The following MAPK4 variants were observed in gnomAD, a reference collection of about 807,000 sequenced individuals.
The protein encoded by MAPK4 is mitogen-activated protein kinase 4.
In MAPK4, 22 loss-of-function variants were observed where a neutral mutation model predicts 47.7. The ratio of observed to expected loss-of-function variants is 0.46; its 90% confidence interval spans 0.33 to 0.66. The LOEUF is 0.66. MAPK4 is among the 30% of genes least tolerant of loss of function. MAPK4 has a pLI of 0.02. For synonymous variants in MAPK4, 390 were observed against 365.7 expected, an observed-to-expected ratio of 1.07 and a Z score of -0.76; for missense variants, 736 against 831.7, an observed-to-expected ratio of 0.88 and a Z score of 1.42.
At chr18:50,677,763 C>T (rs900600000) in intron 2 of MAPK4, among the ~76,000 whole-genome samples, 2 of 152,128 alleles carry the variant, frequency 1.3e-5, no homozygotes, top group Admixed American at 6.6e-5. Flanking sequence ...CTATGTTGCT[C>T]AGGCTGGTCT....
At chr18:50,614,930 A>G (rs1037638921) in intron 1 of MAPK4, among the ~76,000 whole-genome samples, 2 of 152,180 alleles carry the variant, frequency 1.3e-5, no homozygotes, top group Non-Finnish European at 2.9e-5. Context: ...TGTTGAGTCA[A>G]TACTTAAGGG....
chr18:50,623,392 G>A (rs2042749192), intron 1 of MAPK4, among the ~76,000 whole-genome samples: 3 of 152,162 alleles, frequency 2.0e-5, no homozygotes, highest in Admixed American at 1.3e-4. Context: ...AAATCAGCTT[G>A]TCCCCACTTT....
intron 1 of MAPK4, among the ~76,000 whole-genome samples, chr18:50,612,567 C>T (rs2042648616): frequency 6.6e-6 from 1 of 152,172 alleles, no homozygotes; most frequent in East Asian, 1.9e-4. Flanking sequence ...CTGGAGGGCT[C>T]ATCATGGAAG....
chr18:50,607,174 T>C (rs2042589928), intron 1 of MAPK4, among the ~76,000 whole-genome samples: 1 of 152,052 alleles, frequency 6.6e-6, no homozygotes, highest in Admixed American at 6.5e-5. Flanking sequence ...ATGTGCCAAA[T>C]ACTAATGGGG....
chr18:50,691,370 G>A (rs577142093), intron 2 of MAPK4, among the ~76,000 whole-genome samples: 1 of 152,086 alleles, frequency 6.6e-6, no homozygotes, highest in East Asian at 2.0e-4. Flanking sequence ...TGGCCAGGAA[G>A]GCAAAGCATG....
chr18:50,691,057 A>C (rs1409372068), intron 2 of MAPK4, among the ~76,000 whole-genome samples: 1 of 151,990 alleles, frequency 6.6e-6, no homozygotes, highest in African/African-American at 2.4e-5. Context: ...CAGTGGCTCA[A>C]TCATGGCTCA....
intron 1 of MAPK4, among the ~76,000 whole-genome samples, chr18:50,619,987 C>T (rs1045155879): frequency 6.6e-6 from 1 of 152,244 alleles, no homozygotes; most frequent in African/African-American, 2.4e-5. Context: ...TTGGCTCCCC[C>T]AAGGAAATGC....
chr18:50,598,798 G>A (rs952449014), intron 1 of MAPK4, among the ~76,000 whole-genome samples: 4 of 152,142 alleles, frequency 2.6e-5, no homozygotes, highest in African/African-American at 9.7e-5. Context: ...TGGCAGTCTT[G>A]AGGAGTACTA....
intron 2 of MAPK4, among the ~76,000 whole-genome samples, chr18:50,688,806 G>C (rs1459636142): frequency 6.7e-6 from 1 of 149,642 alleles, no homozygotes; most frequent in Non-Finnish European, 1.5e-5. Flanking sequence ...TAGGTGATGG[G>C]TGCACCAAAA....
intron 1 of MAPK4, among the ~76,000 whole-genome samples, chr18:50,656,021 A>G (rs1423004167): frequency 6.6e-6 from 1 of 152,044 alleles, no homozygotes; most frequent in Non-Finnish European, 1.5e-5. Flanking sequence ...CCTCCTCCCC[A>G]GAATTCTATC....
At chr18:50,607,628 A>G (rs79758595) in intron 1 of MAPK4, among the ~76,000 whole-genome samples, 22 of 152,368 alleles carry the variant, frequency 1.4e-4, no homozygotes, top group Non-Finnish European at 2.5e-4. Flanking sequence ...TGACGCACAC[A>G]GTAAGAAGGC....
At chr18:50,620,390 A>G (rs1438635660) in intron 1 of MAPK4, among the ~76,000 whole-genome samples, 1 of 152,222 alleles carries the variant, frequency 6.6e-6, no homozygotes, top group Non-Finnish European at 1.5e-5. Context: ...GAACTTATCT[A>G]ATAAAATGCA....
chr18:50,718,813 G>T (rs914856197), intron 3 of MAPK4, among the ~76,000 whole-genome samples: 6 of 152,080 alleles, frequency 3.9e-5, no homozygotes, highest in Admixed American at 2.0e-4. Flanking sequence ...TGGGCATGGT[G>T]GTTCATGTCT....
intron 3 of MAPK4, among the ~76,000 whole-genome samples, chr18:50,721,082 A>T (rs1910912308): frequency 6.6e-6 from 1 of 152,274 alleles, no homozygotes; most frequent in Middle Eastern, 3.4e-3. Flanking sequence ...ACTCAATCAA[A>T]AAAGAGAAAA....
intron 1 of MAPK4, among the ~76,000 whole-genome samples, chr18:50,576,916 C>T (rs759378840): frequency 5.3e-5 from 8 of 152,170 alleles, no homozygotes; most frequent in Non-Finnish European, 1.2e-4. Context: ...AAATTCAATT[C>T]AGTTTAACAA....
chr18:50,659,531 T>C (rs1287912441), intron 1 of MAPK4, among the ~76,000 whole-genome samples: 3 of 152,194 alleles, frequency 2.0e-5, no homozygotes, highest in Non-Finnish European at 2.9e-5. Flanking sequence ...AAAGGGACAG[T>C]TGGCACACGC....
intron 1 of MAPK4, among the ~76,000 whole-genome samples, chr18:50,660,465 A>AAC (rs1348917695): frequency 6.6e-6 from 1 of 152,180 alleles, no homozygotes; most frequent in Non-Finnish European, 1.5e-5. Context: ...AGACATAATG[A>AAC]ACGGTACTCA....
chr18:50,726,442 A>C (rs184930670), intron 5 of MAPK4, among the ~76,000 whole-genome samples: 7 of 152,254 alleles, frequency 4.6e-5, no homozygotes, highest in Admixed American at 2.0e-4. Flanking sequence ...GGTTCAATAC[A>C]GTGCTCCGCA....
At chr18:50,563,125 T>C (rs2042168418) in intron 1 of MAPK4, among the ~76,000 whole-genome samples, 1 of 152,218 alleles carries the variant, frequency 6.6e-6, no homozygotes, top group Admixed American at 6.5e-5. Context: ...TGAAATCTTT[T>C]CTGTAAGTAA....
Sources: gnomAD v4.1 joint callset for allele counts (sites outside exome capture counted in the v4.1 genomes callset) on GRCh38, gnomAD v4.1.1 for gene constraint, MANE v1.5 for transcripts, NCBI Gene and HGNC (gene_info 2026-07-23, HGNC 2026-07-21) for gene names.